Variants in ANKRD36 observed in about 807,000 individuals in gnomAD.
The protein encoded by ANKRD36 is ankyrin repeat domain-containing protein 36A.
In ANKRD36, 179 loss-of-function variants were observed where a neutral mutation model predicts 278.1. The ratio of observed to expected loss-of-function variants is 0.64; its 90% confidence interval spans 0.57 to 0.73. The LOEUF (loss-of-function observed/expected upper bound fraction) is 0.73, where lower values mean the gene tolerates loss of function less well. Among genes scored for constraint, ANKRD36 ranks in the 30% least tolerant of loss-of-function variants. The pLI, the probability that ANKRD36 is intolerant of heterozygous loss-of-function variation, is 0.00. For synonymous variants in ANKRD36, 320 were observed against 641.1 expected (o/e 0.50, Z 7.57); for missense variants, 1,159 against 1,956.7 (o/e 0.59, Z 7.69).
rs151253342 is a variant in ANKRD36, at chr2:97,164,125, T to A, written c.1430-158T>A. On this transcript the variant is annotated intron_variant, in intron 18 of 75. Coordinates refer to ENST00000420699, the MANE Select transcript of ANKRD36 (RefSeq NM_001354587.1). ...CATGTGTATATTCCTGTCATGTTTG[T>A]TTGCTAACCAAAACAAGAGCAAAGC... The A allele has an allele frequency of 2.1e-3, 2,055 of 985,434 alleles. 9 individuals carry two copies. The East Asian group carries it at 0.11, about 51-fold the overall frequency. The allele number at this position is 985,434 out of a possible 1,614,324, so 61.0% of individuals were successfully genotyped here.
At chr2:97,121,832 G>A (rs895893873) in intron 3 of ANKRD36, among the ~76,000 whole-genome samples, 3 of 151,278 alleles carry the variant, frequency 2.0e-5, no homozygotes, top group Non-Finnish European at 4.4e-5. Context: ...ATTTTTAAAG[G>A]AGTTATGTAC....
At chr2:97,204,608 C>T (rs558810893) in intron 50 of ANKRD36, among the ~76,000 whole-genome samples, 1 of 151,536 alleles carries the variant, frequency 6.6e-6, no homozygotes, top group East Asian at 2.0e-4. Flanking sequence ...AATTAACACA[C>T]TTCAGCTCGC....
intron 3 of ANKRD36, among the ~76,000 whole-genome samples, chr2:97,121,588 G>A (rs569578484): frequency 6.6e-5 from 10 of 152,212 alleles, no homozygotes; most frequent in African/African-American, 2.4e-4. Context: ...GGAGGTTGCA[G>A]TGAGCCAAGA....
chr2:97,242,181 G>C (rs139231798), intron 69 of ANKRD36, among the ~76,000 whole-genome samples: 1 of 151,310 alleles, frequency 6.6e-6, no homozygotes, highest in Non-Finnish European at 1.5e-5. Context: ...TCCCAGCTAC[G>C]CAGGAGGCTG....
chr2:97,161,336 C>T (rs898556051), intron 17 of ANKRD36, among the ~76,000 whole-genome samples: 7 of 152,280 alleles, frequency 4.6e-5, no homozygotes, highest in African/African-American at 1.7e-4. Flanking sequence ...TCCAGGTTTC[C>T]CTCACATTGC....
chr2:97,231,325 A>T (rs1411594814), intron 67 of ANKRD36, among the ~76,000 whole-genome samples: 1 of 152,152 alleles, frequency 6.6e-6, no homozygotes, highest in African/African-American at 2.4e-5. Context: ...TACCTAAGCA[A>T]GCCTGGGCAA....
chr2:97,158,864 A>G (rs1389410404), intron 17 of ANKRD36, among the ~76,000 whole-genome samples: 1 of 152,060 alleles, frequency 6.6e-6, no homozygotes, highest in Non-Finnish European at 1.5e-5. Flanking sequence ...TTCTCAAGGT[A>G]ATAATAGAAA....
chr2:97,191,386 A>G (rs977424940), intron 36 of ANKRD36, among the ~76,000 whole-genome samples: 2 of 151,728 alleles, frequency 1.3e-5, no homozygotes, highest in Non-Finnish European at 2.9e-5. Context: ...ACACTTCCCC[A>G]CATTCAAATT....
At chr2:97,188,465 AG>A (rs1021603570) in intron 32 of ANKRD36, among the ~76,000 whole-genome samples, 30 of 151,736 alleles carry the variant, frequency 2.0e-4, no homozygotes, top group Admixed American at 7.3e-4. Context: ...AGGCTAAACT[AG>A]TGGATACAAG....
At chr2:97,117,829 T>C (rs2035897621) in intron 1 of ANKRD36, among the ~76,000 whole-genome samples, 1 of 151,906 alleles carries the variant, frequency 6.6e-6, no homozygotes, top group Admixed American at 6.6e-5. Flanking sequence ...AAAGGCTAAA[T>C]AACAGCTAAG....
chr2:97,197,824 A>G (rs1443450995), intron 42 of ANKRD36, among the ~76,000 whole-genome samples: 2 of 151,862 alleles, frequency 1.3e-5, no homozygotes, highest in Non-Finnish European at 2.9e-5. Context: ...GATGAAGAAA[A>G]TTTCGGAAGG....
intron 67 of ANKRD36, among the ~76,000 whole-genome samples, chr2:97,231,226 C>CTG (rs1342957370): frequency 6.6e-6 from 1 of 152,160 alleles, no homozygotes; most frequent in Non-Finnish European, 1.5e-5. Flanking sequence ...TTTTGTTTCT[C>CTG]TGTGCCCTGC....
intron 6 of ANKRD36, among the ~76,000 whole-genome samples, chr2:97,138,785 A>C (rs2042160640): frequency 6.6e-6 from 1 of 152,040 alleles, no homozygotes; most frequent in South Asian, 2.1e-4. Context: ...AATGCCATAC[A>C]TCTACACCAT....
chr2:97,193,981 T>A (rs2059111780), intron 38 of ANKRD36, among the ~76,000 whole-genome samples: 1 of 151,710 alleles, frequency 6.6e-6, no homozygotes, highest in Non-Finnish European at 1.5e-5. Context: ...TAATATCTAA[T>A]GCTTGTAGCC....
chr2:97,179,905 A>G lies in ANKRD36; in HGVS notation c.1707A>G (p.Glu569=), dbSNP rs764645920. ...DKDSVSNIAT[E]IKEGPISGTV... ...ATTCTGTTTCAAATATAGCCACAGAAATAAAGGAGGGACCAATATCTGGGA... is the reference window on the plus strand; with the variant it reads ...ATTCTGTTTCAAATATAGCCACAGAGATAAAGGAGGGACCAATATCTGGGA... The change falls in exon 24 of 76, where the codon GAA becomes GAG. Residue 569 remains glutamate, a synonymous_variant. Coordinates refer to ENST00000420699, the MANE Select transcript of ANKRD36 (RefSeq NM_001354587.1). 1.2e-6 allele frequency: 2 copies of G among 1,605,958 alleles called. No homozygotes were observed. The highest frequency in any genetic ancestry group is 2.7e-5 in the African/African-American group (2 of 74,726).
chr2:97,191,137 C>T lies in ANKRD36; in HGVS notation c.2303C>T (p.Ser768Leu), dbSNP rs777078108. 16 of 1,597,912 alleles carry T rather than the reference C, an allele frequency of 1.0e-5. No individual in the cohort carries two copies. The highest frequency in any genetic ancestry group is 2.3e-5 in the East Asian group (1 of 43,836). Residue 768 changes from serine to leucine, a missense_variant, in exon 36 of 76, where the codon TCG becomes TTG. Physicochemically the swap from Ser to Leu is moderately radical, Grantham distance 145. Transcript: ENST00000420699. ...KATTDEKDSV[S>L]NIATEIKDGE... ...ACAACTGATGAGAAAGATTCTGTTT[C>T]GAACATAGCCACAGAAATAAAGGAT...
intron 67 of ANKRD36, among the ~76,000 whole-genome samples, chr2:97,230,364 C>T (rs1406107219): frequency 1.3e-5 from 2 of 151,912 alleles, no homozygotes; most frequent in Admixed American, 6.6e-5. Context: ...TCTCAACTTC[C>T]CTTCTCGTTT....
chr2:97,214,814 G>A (rs1172676318), intron 60 of ANKRD36, among the ~76,000 whole-genome samples: 2 of 151,918 alleles, frequency 1.3e-5, no homozygotes, highest in African/African-American at 4.8e-5. Context: ...GATGTGAAGT[G>A]CACGTTCAAG....
chr2:97,155,650 C>T (rs1479893245), intron 15 of ANKRD36, among the ~76,000 whole-genome samples: 2 of 146,032 alleles, frequency 1.4e-5, no homozygotes, highest in African/African-American at 4.9e-5. Context: ...TTTAATTTCT[C>T]ATGGTTTCTG....
Sources: gnomAD v4.1 joint callset for allele counts (sites outside exome capture counted in the v4.1 genomes callset) on GRCh38, gnomAD v4.1.1 for gene constraint, MANE v1.5 for transcripts, NCBI Gene and HGNC (gene_info 2026-07-23, HGNC 2026-07-21) for gene names.